ARMC9: variants seen among roughly 807,000 people sequenced by gnomAD.
The protein encoded by ARMC9 is armadillo repeat containing 9, also known as lisH domain-containing protein ARMC9.
In ARMC9, 94 loss-of-function variants were observed where a neutral mutation model predicts 107.0. That is an observed-to-expected ratio of 0.88 (90% CI 0.74 to 1.04). ARMC9 has a LOEUF of 1.04. Among genes scored for constraint, ARMC9 ranks in the 50% least tolerant of loss-of-function variants. The pLI is 0.00. For synonymous variants in ARMC9, 380 were observed against 396.9 expected (o/e 0.96, Z 0.51); for missense variants, 942 against 1,030.1 (o/e 0.91, Z 1.17).
At chr2:231,331,487 A>C (rs1390873857) in intron 19 of ARMC9, among the ~76,000 whole-genome samples, 3 of 152,160 alleles carry the variant, frequency 2.0e-5, no homozygotes, top group Admixed American at 6.5e-5. Flanking sequence ...CAGAGAGAGA[A>C]GTTCTGAGAA....
intron 8 of ARMC9, among the ~76,000 whole-genome samples, chr2:231,235,728 C>T (rs768533005): frequency 2.0e-4 from 30 of 152,138 alleles, no homozygotes; most frequent in Admixed American, 5.2e-4. Context: ...CTGCAACCTC[C>T]GCCTCCCAGA....
intron 18 of ARMC9, among the ~76,000 whole-genome samples, chr2:231,293,312 G>C (rs541784308): frequency 6.6e-6 from 1 of 152,224 alleles, no homozygotes; most frequent in East Asian, 1.9e-4. Flanking sequence ...GCCTTCTCTG[G>C]GTAGGCCACG....
At position 231,215,011 on chromosome 2, in the gene ARMC9, C is replaced by G. The variant is rs113547151; in HGVS notation, c.348+10C>G. 163 of 1,613,514 alleles carry G rather than the reference C, an allele frequency of 1.0e-4. 1 individual carries two copies. In the African/African-American group the frequency reaches 1.5e-3, roughly 15 times the overall value. ...CTCTGTGGGGAGACCGGTGGGTTTA[C>G]CTGGTGATGCGGGTGGGTCTGAGTG... On this transcript the variant is annotated intron_variant, in intron 4 of 24. Coordinates refer to ENST00000611582, the MANE Select transcript of ARMC9 (RefSeq NM_001352754.2).
At chr2:231,263,931 G>A (rs572418684) in intron 12 of ARMC9, among the ~76,000 whole-genome samples, 30 of 152,218 alleles carry the variant, frequency 2.0e-4, no homozygotes, top group South Asian at 8.3e-4. Flanking sequence ...TCATTGAGTC[G>A]AAGATACACT....
chr2:231,245,643 A>G (rs2036692370), intron 9 of ARMC9, among the ~76,000 whole-genome samples: 1 of 152,186 alleles, frequency 6.6e-6, no homozygotes, highest in Non-Finnish European at 1.5e-5. Context: ...GCCTTGAAGT[A>G]TATATCATTA....
At chr2:231,262,172 C>G in intron 11 of ARMC9, 134 bp from the exon 12 acceptor site, 1 of 834,162 alleles carries the variant, frequency 1.2e-6, no homozygotes, top group Non-Finnish European at 1.9e-6. Flanking sequence ...CACCACTCCC[C>G]AAGCTGGATA....
At chr2:231,260,440 A>G (rs1026080146) in intron 11 of ARMC9, among the ~76,000 whole-genome samples, 1 of 152,198 alleles carries the variant, frequency 6.6e-6, no homozygotes, top group African/African-American at 2.4e-5. Flanking sequence ...AGCATCAGAC[A>G]CCTTCATGGA....
At position 231,273,061 on chromosome 2, in the gene ARMC9, G is replaced by A. The variant is rs983264908; in HGVS notation, c.1317G>A (p.Leu439=). The change falls in exon 14 of 25, where the codon CTG becomes CTA. Residue 439 remains leucine, a synonymous_variant. Transcript: ENST00000611582. ...CCAGGGAGAATGTTCTTGGGGCCCT[G>A]CAGAAGTTCAGTCTCAGGTAACGAC... The part of the protein sequence containing the change: ...IITRENVLGA[L]QKFSLRRPLQ... 6.2e-7 allele frequency: 1 copy of A among 1,613,638 alleles called. No homozygotes were observed.
intron 19 of ARMC9, among the ~76,000 whole-genome samples, chr2:231,330,825 G>T (rs2043683108): frequency 6.6e-6 from 1 of 151,468 alleles, no homozygotes; most frequent in Non-Finnish European, 1.5e-5. Context: ...AAGGAAGCAG[G>T]CTTTGGCTAA....
chr2:231,229,837 A>G (rs1000863305), intron 7 of ARMC9, among the ~76,000 whole-genome samples: 1 of 152,164 alleles, frequency 6.6e-6, no homozygotes, highest in Admixed American at 6.6e-5. Flanking sequence ...AAAGTTGATC[A>G]TTTTGTCTTG....
At chr2:231,356,654 A>G (rs1238964905) in intron 22 of ARMC9, among the ~76,000 whole-genome samples, 1 of 152,162 alleles carries the variant, frequency 6.6e-6, no homozygotes, top group Admixed American at 6.5e-5. Flanking sequence ...AGCGGTAGCT[A>G]GTGACGAGTC....
intron 3 of ARMC9, among the ~76,000 whole-genome samples, chr2:231,213,389 C>T (rs979653120): frequency 2.6e-5 from 4 of 151,556 alleles, no homozygotes; most frequent in Non-Finnish European, 5.9e-5. Flanking sequence ...GTCTTGAGCT[C>T]CTGGGCAAAC....
chr2:231,327,555 C>T (rs1449801080), intron 19 of ARMC9, among the ~76,000 whole-genome samples: 3 of 152,030 alleles, frequency 2.0e-5, no homozygotes, highest in South Asian at 4.1e-4. Context: ...GTGTATGTAC[C>T]ACATTTGTTT....
intron 20 of ARMC9, among the ~76,000 whole-genome samples, chr2:231,332,822 A>G (rs2043832574): frequency 6.6e-6 from 1 of 152,132 alleles, no homozygotes; most frequent in Non-Finnish European, 1.5e-5. Context: ...AGGGTAGAAG[A>G]GTCACTAAAA....
chr2:231,259,838 C>T (rs890141173), intron 11 of ARMC9, among the ~76,000 whole-genome samples: 2 of 151,672 alleles, frequency 1.3e-5, no homozygotes, highest in African/African-American at 4.8e-5. Flanking sequence ...ACTAAAAATA[C>T]AAAAAAAATT....
chr2:231,216,863 G>A (rs1215567001), intron 5 of ARMC9, 70 bp downstream of exon 5: 2 of 1,500,000 alleles, frequency 1.3e-6, no homozygotes, highest in Non-Finnish European at 1.8e-6. Context: ...TGTATGCTGG[G>A]GGCTTCTGAA....
intron 20 of ARMC9, among the ~76,000 whole-genome samples, chr2:231,338,522 C>T (rs1344319624): frequency 6.7e-6 from 1 of 148,726 alleles, no homozygotes; most frequent in African/African-American, 2.5e-5. Context: ...CCACCTCGCC[C>T]GGCCCCAATT....
chr2:231,222,090 T>C (rs567602399), intron 5 of ARMC9, among the ~76,000 whole-genome samples: 1 of 152,318 alleles, frequency 6.6e-6, no homozygotes, highest in East Asian at 1.9e-4. Context: ...TATTTCTGTA[T>C]AAAGAGTATA....
chr2:231,371,677 C>A lies in ARMC9; in HGVS notation c.*142C>A, dbSNP rs538352502. 4.5e-6 allele frequency: 4 copies of A among 884,292 alleles called. No individual in the cohort carries two copies. Among genetic ancestry groups the A allele is most frequent in the Non-Finnish European group, 6.0e-6 (4 of 670,874 alleles). The allele number at this position is 884,292 out of a possible 1,614,324, so 54.8% of individuals were successfully genotyped here. ...GCTGAGGGGAGGCCGGCTCTCCAGG[C>A]AGCACCAGAGCAAGGCCATCGCAGC... On this transcript the variant is annotated 3_prime_UTR_variant, in exon 25 of 25. Transcript: ENST00000611582.
Sources: gnomAD v4.1 joint callset for allele counts (sites outside exome capture counted in the v4.1 genomes callset) on GRCh38, gnomAD v4.1.1 for gene constraint, MANE v1.5 for transcripts, NCBI Gene and HGNC (gene_info 2026-07-23, HGNC 2026-07-21) for gene names.